PAX3: variants seen among roughly 807,000 people sequenced by gnomAD.
PAX3 encodes paired box 3, also known as paired box protein Pax-3.
In PAX3, 14 loss-of-function variants were observed where a neutral mutation model predicts 51.6. The observed-to-expected ratio is 0.27, with a 90% CI of 0.18 to 0.42. The LOEUF (loss-of-function observed/expected upper bound fraction) is 0.42, where lower values mean the gene tolerates loss of function less well. PAX3 is among the 10% of genes least tolerant of loss of function. PAX3 has a pLI of 1.00. For missense variants in PAX3, 540 were observed against 642.8 expected, an observed-to-expected ratio of 0.84 and a Z score of 1.73; for synonymous variants, 280 against 253.4, an observed-to-expected ratio of 1.11 and a Z score of -1.00.
chr2:222,239,732 G>C (rs1574673323), intron 4 of PAX3, among the ~76,000 whole-genome samples: 1 of 151,950 alleles, frequency 6.6e-6, no homozygotes, highest in South Asian at 2.1e-4. Context: ...GGTGGTGGGG[G>C]TGAGGGGTAG....
Position 222,201,985 on chromosome 2 carries a change from A to C in PAX3, c.1379T>G (p.Met460Arg), listed in dbSNP as rs765696723. 6.2e-7 allele frequency: 1 copy of C among 1,614,114 alleles called. No homozygotes were observed. Among genetic ancestry groups the C allele is most frequent in the East Asian group, 2.2e-5 (1 of 44,848 alleles). Reference sequence around the variant, plus strand: ...ATATTGGTAGCCTGTGACAGGGTCCATACTGTAGCCTGTGGTGCTATAGGT... The same window carrying C: ...ATATTGGTAGCCTGTGACAGGGTCCCTACTGTAGCCTGTGGTGCTATAGGT... ...PPTYSTTGYSMDPVTGYQYGQ... is the reference protein window; with the variant it reads ...PPTYSTTGYSRDPVTGYQYGQ... The change falls in exon 8 of 9, where the codon ATG (methionine) becomes AGG (arginine). Residue 460 changes from methionine (M) to arginine (R), a missense_variant. Around this residue, in one of 3 missense-constraint regions of PAX3, gnomAD observed 427 missense variants for 483.6 expected, o/e 0.88. Transcript: ENST00000392070.
At chr2:222,260,215 T>C (rs955692133) in intron 4 of PAX3, among the ~76,000 whole-genome samples, 3 of 151,888 alleles carry the variant, frequency 2.0e-5, no homozygotes, top group African/African-American at 7.3e-5. Flanking sequence ...TCTTCTGTTG[T>C]ACATCACAAG....
In PAX3 at chr2:222,294,224, C is replaced by A. The variant is rs753019744; in HGVS notation, c.529G>T (p.Ala177Ser). Residue 177 changes from alanine (A) to serine (S), a missense_variant, in exon 4 of 9, where the codon GCA becomes TCA. Physicochemically the swap from Ala to Ser is moderately conservative, Grantham distance 99. Coordinates refer to ENST00000392070, the MANE Select transcript of PAX3 (RefSeq NM_181458.4). Reference protein sequence around the residue: ...EEEADLERKEAEESEKKAKHS... With the variant: ...EEEADLERKESEESEKKAKHS... ...TTGGCCTTCTTCTCGCTTTCCTCTG[C>A]CTCCTTCCTCTCCAAGTCGGCCTCC... is the stretch of plus-strand genomic sequence containing the variant. 5.0e-6 allele frequency: 8 copies of A among 1,614,140 alleles called. No homozygotes were observed. The Admixed American group carries it at 1.3e-4, about 27-fold the overall frequency.
At chr2:222,249,726 T>A (rs1459586303) in intron 4 of PAX3, among the ~76,000 whole-genome samples, 2 of 152,178 alleles carry the variant, frequency 1.3e-5, no homozygotes, top group Non-Finnish European at 2.9e-5. Context: ...TTCTCTCCAC[T>A]GTAAATTCAC....
At chr2:222,244,326 C>T (rs1559281262) in intron 4 of PAX3, among the ~76,000 whole-genome samples, 1 of 152,164 alleles carries the variant, frequency 6.6e-6, no homozygotes, top group Non-Finnish European at 1.5e-5. Flanking sequence ...CAAACTACTT[C>T]AAATACCCAG....
intron 4 of PAX3, among the ~76,000 whole-genome samples, chr2:222,254,273 G>T (rs957192091): frequency 6.6e-6 from 1 of 152,304 alleles, no homozygotes; most frequent in Admixed American, 6.5e-5. Flanking sequence ...CCTGGGGAAA[G>T]GAGGGTAGCT....
intron 5 of PAX3, among the ~76,000 whole-genome samples, chr2:222,230,552 T>C (rs1692550392): frequency 6.6e-6 from 1 of 151,918 alleles, no homozygotes; most frequent in Non-Finnish European, 1.5e-5. Flanking sequence ...TCCCAGAACT[T>C]AAAGTATAAT....
chr2:222,289,505 C>T (rs1437210822), intron 4 of PAX3, among the ~76,000 whole-genome samples: 4 of 152,154 alleles, frequency 2.6e-5, no homozygotes, highest in African/African-American at 7.2e-5. Context: ...TTGCTCAGCC[C>T]TGGGGACTTT....
rs45513594 is a variant in PAX3, at chr2:222,268,638, C to A, written c.586+25529G>T. On this transcript the variant is annotated intron_variant, in intron 4 of 8. Coordinates refer to ENST00000392070, the MANE Select transcript of PAX3 (RefSeq NM_181458.4). The stretch of plus-strand genomic sequence containing the variant: ...CTCGTTTCCACGGGGGGTTGGGGGG[C>A]AGAGGGGAGTGTTCGCCAAATCCTT... Among the ~76,000 whole-genome samples, 1,194 of 152,232 alleles carry A rather than the reference C, an allele frequency of 7.8e-3. 15 individuals carry two copies. Among genetic ancestry groups the A allele is most frequent in the African/African-American group, 0.027 (1,135 of 41,496 alleles).
chr2:222,266,710 G>A (rs895589857), intron 4 of PAX3, among the ~76,000 whole-genome samples: 1 of 152,214 alleles, frequency 6.6e-6, no homozygotes, highest in Non-Finnish European at 1.5e-5. Flanking sequence ...GAAGGGGAAT[G>A]CCTGTCAGAT....
chr2:222,250,116 G>T (rs554511764), intron 4 of PAX3, among the ~76,000 whole-genome samples: 9 of 152,158 alleles, frequency 5.9e-5, no homozygotes, highest in African/African-American at 2.2e-4. Flanking sequence ...ACAGGTAGGG[G>T]GATCTTATGA....
chr2:222,241,773 A>G (rs948866545), intron 4 of PAX3, among the ~76,000 whole-genome samples: 1 of 152,266 alleles, frequency 6.6e-6, no homozygotes, highest in Non-Finnish European at 1.5e-5. Flanking sequence ...TCAGAATGAA[A>G]GAACACTTCA....
intron 5 of PAX3, among the ~76,000 whole-genome samples, chr2:222,227,280 T>A (rs1245677987): frequency 6.6e-6 from 1 of 152,160 alleles, no homozygotes; most frequent in Non-Finnish European, 1.5e-5. Flanking sequence ...GATGGAATAT[T>A]TACTAAAACT....
At chr2:222,204,724 A>G (rs1691438147) in intron 7 of PAX3, among the ~76,000 whole-genome samples, 1 of 152,220 alleles carries the variant, frequency 6.6e-6, no homozygotes, top group Admixed American at 6.5e-5. Flanking sequence ...CAATTTTGTA[A>G]CTATATCAGT....
intron 4 of PAX3, among the ~76,000 whole-genome samples, chr2:222,287,769 T>G (rs1413070187): frequency 1.3e-5 from 2 of 152,304 alleles, no homozygotes; most frequent in East Asian, 3.9e-4. Context: ...TATTAATTAA[T>G]AGGAGGATTA....
intron 7 of PAX3, among the ~76,000 whole-genome samples, chr2:222,216,725 CAG>C (rs111690098): frequency 1.9e-4 from 29 of 150,008 alleles, no homozygotes; most frequent in Middle Eastern, 3.4e-3. Context: ...CACACACACA[CAG>C]AGAGAGAGAG....
At chr2:222,253,182 G>T (rs1342696106) in intron 4 of PAX3, among the ~76,000 whole-genome samples, 1 of 152,200 alleles carries the variant, frequency 6.6e-6, no homozygotes, top group Non-Finnish European at 1.5e-5. Context: ...ATGATCAGTT[G>T]GGTGAGCTGC....
intron 4 of PAX3, among the ~76,000 whole-genome samples, chr2:222,234,520 C>A (rs558986925): frequency 6.6e-6 from 1 of 152,242 alleles, no homozygotes; most frequent in African/African-American, 2.4e-5. Flanking sequence ...AGTCATAGAA[C>A]AGTGTTTCAT....
At chr2:222,244,870 G>A (rs770178007) in intron 4 of PAX3, among the ~76,000 whole-genome samples, 12 of 152,022 alleles carry the variant, frequency 7.9e-5, no homozygotes, top group South Asian at 2.1e-4. Flanking sequence ...AAATTAGGCC[G>A]AGTGTGGTGG....
Sources: allele counts gnomAD v4.1 joint callset (sites outside exome capture counted in the v4.1 genomes callset), GRCh38; gene constraint gnomAD v4.1.1; regional missense constraint gnomAD v4.1.1; transcripts MANE v1.5; gene names NCBI Gene and HGNC (gene_info 2026-07-23, HGNC 2026-07-21).